AGMO: variants seen among roughly 807,000 people sequenced by gnomAD.
The protein encoded by AGMO is glyceryl-ether monooxygenase.
Under a neutral mutation model 60.2 loss-of-function variants are expected in AGMO, and 75 were observed. The observed-to-expected ratio is 1.25, with a 90% confidence interval of 1.03 to 1.51. AGMO has a LOEUF of 1.51. Among genes scored for constraint, AGMO ranks in the 40% most tolerant of loss-of-function variants. The pLI, the probability that AGMO is intolerant of heterozygous loss-of-function variation, is 0.00. For synonymous variants in AGMO, 261 were observed against 177.1 expected (o/e 1.47, Z -3.76); for missense variants, 763 against 525.5 (o/e 1.45, Z -4.42).
chr7:15,518,142 C>G (rs925122520), intron 3 of AGMO, among the ~76,000 whole-genome samples: 2 of 152,082 alleles, frequency 1.3e-5, no homozygotes, highest in Non-Finnish European at 2.9e-5. Flanking sequence ...AGGGCATCTC[C>G]GAAAGAAAGG....
intron 12 of AGMO, among the ~76,000 whole-genome samples, chr7:15,352,300 T>A (rs1265683151): frequency 6.6e-6 from 1 of 152,188 alleles, no homozygotes; most frequent in Admixed American, 6.5e-5. Flanking sequence ...AAAATTTTTA[T>A]GACGGTAAAT....
intron 5 of AGMO, among the ~76,000 whole-genome samples, chr7:15,401,045 G>A (rs10230285): frequency 0.07 from 10,707 of 152,064 alleles, 609 homozygotes; most frequent in African/African-American, 0.15. Flanking sequence ...TATGGAAATT[G>A]ATAACCTATG....
chr7:15,134,854 G>A, the AGMO span, among the ~76,000 whole-genome samples: 1 of 152,018 alleles, frequency 6.6e-6, no homozygotes, highest in Non-Finnish European at 1.5e-5. Context: ...GTAACTGAGA[G>A]CTAATGGCAA....
intron 5 of AGMO, among the ~76,000 whole-genome samples, chr7:15,394,385 G>A (rs1374826311): frequency 6.6e-6 from 1 of 152,060 alleles, no homozygotes; most frequent in East Asian, 1.9e-4. Flanking sequence ...GACGTGGCAT[G>A]GTGAGTATGG....
rs186899562 is a variant in AGMO at position 15,365,525 on chromosome 7, A to G, written c.1252T>C (p.Ser418Pro). The change falls in exon 12 of 13, where the codon TCT (serine) becomes CCT (proline). Residue 418 changes from serine to proline, a missense_variant. Physicochemically the swap from Ser to Pro is moderately conservative, Grantham distance 74. Transcript: ENST00000342526. ...HLKPLVPSLSSAFEIVFSICI... is the reference protein window; with the variant it reads ...HLKPLVPSLSPAFEIVFSICI... ...AACAAATGTCTTACCTCAAAAGCAG[A>G]TGACAATGAAGGGACAAGAGGCTTC... is the stretch of plus-strand genomic sequence containing the variant. The G allele has an allele frequency of 2.0e-5, 33 of 1,611,312 alleles. No individual in the cohort carries two copies. In the Admixed American group the frequency reaches 3.5e-4, roughly 17 times the overall value.
At chr7:15,191,969 TCTCTCACACACA>T in the AGMO span, among the ~76,000 whole-genome samples, 34 of 73,484 alleles carry the variant, frequency 4.6e-4, no homozygotes, top group African/African-American at 1.4e-3. Context: ...CCTCTGTCTC[TCTCTCACACACA>T]CACACACACA....
At chr7:15,386,610 C>A (rs1181447794) in intron 9 of AGMO, among the ~76,000 whole-genome samples, 1 of 152,138 alleles carries the variant, frequency 6.6e-6, no homozygotes, top group Non-Finnish European at 1.5e-5. Flanking sequence ...TTATTTAGAT[C>A]AGGATTTTTT....
At chr7:15,391,521 CAT>C (rs1370258544) in intron 6 of AGMO, among the ~76,000 whole-genome samples, 1 of 152,060 alleles carries the variant, frequency 6.6e-6, no homozygotes, top group East Asian at 1.9e-4. Context: ...CTTAAGTAGA[CAT>C]AATGATATCC....
chr7:15,410,430 T>A (rs554987950), intron 5 of AGMO, among the ~76,000 whole-genome samples: 23 of 152,010 alleles, frequency 1.5e-4, no homozygotes, highest in African/African-American at 5.5e-4. Flanking sequence ...ATGATTAGAA[T>A]CTCAAATTTT....
Position 15,478,675 on chromosome 7 carries a change from T to C in AGMO, c.410-47567A>G, listed in dbSNP as rs114780242. On this transcript the variant is annotated intron_variant, in intron 3 of 12. Transcript: ENST00000342526. Reference sequence around the variant, plus strand: ...CGTTGGGAACCTCAGACGCTGGCCATGTCAAGCGTTGTCATCACTGGTCAT... The same window carrying C: ...CGTTGGGAACCTCAGACGCTGGCCACGTCAAGCGTTGTCATCACTGGTCAT... Among the ~76,000 whole-genome samples the C allele has an allele frequency of 9.7e-3, 1,476 of 152,278 alleles. 26 individuals carry two copies. The highest frequency in any genetic ancestry group is 0.035 in the African/African-American group (1,442 of 41,550).
downstream of AGMO, among the ~76,000 whole-genome samples, chr7:15,196,834 G>A (rs1057456828): frequency 1.3e-5 from 2 of 152,190 alleles, no homozygotes; most frequent in African/African-American, 4.8e-5. Flanking sequence ...ATATTGGGGT[G>A]CCTGGGTGGT....
chr7:15,362,186 T>A (rs977505249), intron 12 of AGMO, among the ~76,000 whole-genome samples: 12 of 152,118 alleles, frequency 7.9e-5, no homozygotes, highest in African/African-American at 2.9e-4. Context: ...TGGCAAAGAT[T>A]TACATAAAGT....
chr7:15,333,305 T>A (rs1321610013), intron 12 of AGMO, among the ~76,000 whole-genome samples: 1 of 152,130 alleles, frequency 6.6e-6, no homozygotes, highest in Non-Finnish European at 1.5e-5. Context: ...AGGCTTCGTG[T>A]GTACTATTCA....
At chr7:15,152,568 C>A in the AGMO span, among the ~76,000 whole-genome samples, 1 of 152,104 alleles carries the variant, frequency 6.6e-6, no homozygotes, top group Non-Finnish European at 1.5e-5. Context: ...TAGCTTAACT[C>A]CCAATTATGA....
At chr7:15,487,514 T>C (rs1399313221) in intron 3 of AGMO, among the ~76,000 whole-genome samples, 1 of 152,178 alleles carries the variant, frequency 6.6e-6, no homozygotes, top group Non-Finnish European at 1.5e-5. Context: ...AGTGATTTGA[T>C]TCATATATCA....
chr7:15,285,801 C>T (rs191856591), intron 12 of AGMO, among the ~76,000 whole-genome samples: 172 of 152,186 alleles, frequency 1.1e-3, no homozygotes, highest in African/African-American at 3.9e-3. Flanking sequence ...GGAGGTATCA[C>T]ATTACCCGAC....
chr7:15,272,955 T>C (rs188088019), intron 12 of AGMO, among the ~76,000 whole-genome samples: 50 of 152,340 alleles, frequency 3.3e-4, no homozygotes, highest in African/African-American at 1.2e-3. Flanking sequence ...TGTCTGTTCA[T>C]ATCCTTTGCC....
the AGMO span, among the ~76,000 whole-genome samples, chr7:15,159,326 G>A: frequency 6.6e-6 from 1 of 152,118 alleles, no homozygotes; most frequent in East Asian, 1.9e-4. Flanking sequence ...CAAAGTTTTA[G>A]TCGGATAAAA....
chr7:15,249,011 C>T (rs920338002), intron 12 of AGMO, among the ~76,000 whole-genome samples: 1 of 152,126 alleles, frequency 6.6e-6, no homozygotes, highest in African/African-American at 2.4e-5. Context: ...TATGGATAAC[C>T]TTCCTTTCCA....
Sources: gnomAD v4.1 joint callset for allele counts (sites outside exome capture counted in the v4.1 genomes callset) on GRCh38, gnomAD v4.1.1 for gene constraint, MANE v1.5 for transcripts, NCBI Gene and HGNC (gene_info 2026-07-23, HGNC 2026-07-21) for gene names.